NT5M: variants seen among roughly 807,000 people sequenced by gnomAD.
NT5M encodes the protein 5'(3')-deoxyribonucleotidase, mitochondrial.
In NT5M, 22 loss-of-function variants were observed where a neutral mutation model predicts 22.2. The observed-to-expected ratio is 0.99, with a 90% CI of 0.71 to 1.41. The LOEUF is 1.41. NT5M is among the 40% of genes most tolerant of loss of function. NT5M has a pLI of 0.00. For synonymous variants in NT5M, 167 were observed against 133.0 expected (o/e 1.26, Z -1.76); for missense variants, 322 against 314.8 (o/e 1.02, Z -0.17).
chr17:17,340,715 T>C (rs143483334), intron 3 of NT5M, among the ~76,000 whole-genome samples: 3,264 of 151,876 alleles, frequency 0.021, 106 homozygotes, highest in African/African-American at 0.074. Flanking sequence ...TTAGTAGAGA[T>C]GGGGTTTCAC....
chr17:17,333,742 C>T (rs181486609), intron 3 of NT5M, among the ~76,000 whole-genome samples: 33 of 152,030 alleles, frequency 2.2e-4, no homozygotes, highest in Admixed American at 9.8e-4. Flanking sequence ...CTGCAACCTC[C>T]GCCTCCCAGG....
intron 3 of NT5M, 55 bp downstream of exon 3, chr17:17,323,300 G>A: frequency 6.9e-7 from 1 of 1,447,522 alleles, no homozygotes; most frequent in Non-Finnish European, 9.7e-7. Flanking sequence ...CAGGTGAGGG[G>A]TACGGGGCTC....
chr17:17,344,017 A>G (rs2049703811), intron 3 of NT5M, among the ~76,000 whole-genome samples: 1 of 152,078 alleles, frequency 6.6e-6, no homozygotes, highest in Non-Finnish European at 1.5e-5. Context: ...GAAAAAGTCA[A>G]TTTCCCCAGG....
intron 3 of NT5M, among the ~76,000 whole-genome samples, chr17:17,344,100 G>C (rs242242): frequency 0.11 from 16,085 of 152,198 alleles, 876 homozygotes; most frequent in Admixed American, 0.13. Context: ...GCCAGGCCCC[G>C]GTCTGCTCCC....
intron 3 of NT5M, among the ~76,000 whole-genome samples, chr17:17,329,698 G>A (rs909663914): frequency 9.9e-5 from 15 of 152,102 alleles, no homozygotes; most frequent in East Asian, 5.8e-4. Flanking sequence ...ACTTCAGGCC[G>A]GGTACAGTGG....
chr17:17,343,474 G>C (rs979729183), intron 3 of NT5M, among the ~76,000 whole-genome samples: 2 of 152,248 alleles, frequency 1.3e-5, no homozygotes, highest in African/African-American at 4.8e-5. Context: ...CCCACGTCCC[G>C]TGTGCTGGCC....
At chr17:17,309,229 G>A (rs1963951983) in intron 2 of NT5M, among the ~76,000 whole-genome samples, 1 of 150,474 alleles carries the variant, frequency 6.6e-6, no homozygotes, top group African/African-American at 2.5e-5. Context: ...GGACTCAAAT[G>A]ATCCTCCTGC....
chr17:17,308,364 C>A (rs1158351025), intron 2 of NT5M, among the ~76,000 whole-genome samples: 1 of 152,016 alleles, frequency 6.6e-6, no homozygotes, highest in African/African-American at 2.4e-5. Flanking sequence ...GAGGTCGAGG[C>A]GGGCGGATCA....
chr17:17,312,862 A>G (rs1175117745), intron 2 of NT5M, among the ~76,000 whole-genome samples: 3 of 152,040 alleles, frequency 2.0e-5, no homozygotes, highest in Non-Finnish European at 4.4e-5. Flanking sequence ...AGTCCTAGCT[A>G]CTTGGGAAGC....
At position 17,314,564 on chromosome 17, in the gene NT5M, A is replaced by G. The variant is rs868343877; in HGVS notation, c.368+7921A>G. Among the ~76,000 whole-genome samples the G allele has an allele frequency of 1.2e-4, 19 of 152,322 alleles. No homozygotes were observed. In the South Asian group the frequency reaches 3.1e-3, roughly 25 times the overall value. ...GAGTGATATTTTTTAAACCAAATTC[A>G]GATGATGTTAGCCCCACTGAAAGCC... On this transcript the variant is annotated intron_variant, in intron 2 of 4. Coordinates refer to ENST00000389022, the MANE Select transcript of NT5M (RefSeq NM_020201.4).
At chr17:17,334,478 G>GTTT (rs35096596) in intron 3 of NT5M, among the ~76,000 whole-genome samples, 11 of 120,022 alleles carry the variant, frequency 9.2e-5, no homozygotes, top group African/African-American at 1.3e-4. Flanking sequence ...AGTTACTGTA[G>GTTT]TTTTTTTTTT....
At chr17:17,320,678 A>G (rs2049132544) in intron 2 of NT5M, among the ~76,000 whole-genome samples, 1 of 152,130 alleles carries the variant, frequency 6.6e-6, no homozygotes, top group South Asian at 2.1e-4. Context: ...ACGCATCAGC[A>G]TGCACATGGT....
Position 17,323,100 on chromosome 17 carries a change from C to T in NT5M, c.369-85C>T. ...AGGGTTCAGACTCAGAGGGTCCAGC[C>T]CTGTGAAGGCAGGGCAGGTGGTGAA... On this transcript the variant is annotated intron_variant, in intron 2 of 4. Transcript: ENST00000389022. 5 of 1,048,910 alleles carry T rather than the reference C, an allele frequency of 4.8e-6. No homozygotes were observed. The South Asian group carries it at 5.0e-5, about 11-fold the overall frequency. 65.0% of individuals were successfully genotyped at this position (1,048,910 alleles called of 1,614,324 possible). A position where few individuals can be genotyped will look rare whatever the true frequency, so the allele number is the denominator to read the frequency against.
At chr17:17,342,772 T>C (rs2049672856) in intron 3 of NT5M, among the ~76,000 whole-genome samples, 3 of 152,168 alleles carry the variant, frequency 2.0e-5, no homozygotes, top group Admixed American at 2.0e-4. Context: ...GTGAGGCCTC[T>C]GTGTGAGGTT....
chr17:17,326,679 G>T (rs1268164149), intron 3 of NT5M, among the ~76,000 whole-genome samples: 2 of 152,158 alleles, frequency 1.3e-5, no homozygotes, highest in Non-Finnish European at 2.9e-5. Flanking sequence ...CTGAGCTTGG[G>T]TCCCACACCC....
chr17:17,309,887 C>G (rs1453413628), intron 2 of NT5M, among the ~76,000 whole-genome samples: 2 of 150,670 alleles, frequency 1.3e-5, no homozygotes, highest in East Asian at 2.0e-4. Context: ...TGCAGTGGCA[C>G]AATCTTGGCT....
At chr17:17,343,867 C>T (rs1397749678) in intron 3 of NT5M, among the ~76,000 whole-genome samples, 3 of 152,174 alleles carry the variant, frequency 2.0e-5, no homozygotes, top group African/African-American at 4.8e-5. Context: ...ATCTGGATGG[C>T]TGTAGAGACA....
intron 2 of NT5M, among the ~76,000 whole-genome samples, chr17:17,318,492 A>G (rs2049080608): frequency 6.7e-6 from 1 of 148,966 alleles, no homozygotes; most frequent in African/African-American, 2.5e-5. Context: ...AAAAAAAAAA[A>G]AAAAAAAAAA....
At chr17:17,330,566 A>C (rs1306633889) in intron 3 of NT5M, among the ~76,000 whole-genome samples, 1 of 151,680 alleles carries the variant, frequency 6.6e-6, no homozygotes, top group African/African-American at 2.4e-5. Context: ...TGTAGAGACA[A>C]GGTTTCACCA....
Sources: allele counts gnomAD v4.1 joint callset (sites outside exome capture counted in the v4.1 genomes callset), GRCh38; gene constraint gnomAD v4.1.1; transcripts MANE v1.5; gene names NCBI Gene and HGNC (gene_info 2026-07-23, HGNC 2026-07-21).